The following MACF1 variants were observed in gnomAD, a reference collection of about 807,000 sequenced individuals.
The protein encoded by MACF1 is microtubule-actin cross-linking factor 1.
Under a neutral mutation model 854.8 loss-of-function variants are expected in MACF1, and 193 were observed. The observed-to-expected ratio is 0.23, with a 90% CI of 0.20 to 0.25. MACF1 has a LOEUF of 0.25. Among genes scored for constraint, MACF1 ranks in the 10% least tolerant of loss-of-function variants. The probability of loss-of-function intolerance (pLI) is 1.00; values close to 1 mark genes in which losing one functional copy is unlikely to be tolerated. For synonymous variants in MACF1, 3,185 were observed against 3,226.7 expected (o/e 0.99, Z 0.44); for missense variants, 7,722 against 8,929.1 (o/e 0.86, Z 5.45).
At chr1:39,434,885 T>A (rs979343867) in intron 69 of MACF1, among the ~76,000 whole-genome samples, 1 of 152,178 alleles carries the variant, frequency 6.6e-6, no homozygotes, top group African/African-American at 2.4e-5. Flanking sequence ...TCACTAAAAA[T>A]CAATGGAATT....
chr1:39,261,022 G>A (rs1255858817), intron 6 of MACF1, among the ~76,000 whole-genome samples: 1 of 152,020 alleles, frequency 6.6e-6, no homozygotes, highest in Non-Finnish European at 1.5e-5. Flanking sequence ...TCTCTCTATT[G>A]TTGTTAAGCC....
In MACF1 at chr1:39,352,384, C is replaced by T. The variant is rs1322080207; in HGVS notation, c.11200-623C>T. On this transcript the variant is annotated intron_variant, in intron 43 of 100. Transcript: ENST00000564288. ...GTCTTTCCTTTAGGAAAGAGCAGCC[C>T]GGTAACTGAATGTGACTGTGCTATT... Among the ~76,000 whole-genome samples, 7 of 152,218 alleles carry T rather than the reference C, an allele frequency of 4.6e-5. No homozygotes were observed. The East Asian group carries it at 7.7e-4, about 17-fold the overall frequency.
chr1:39,196,132 T>G lies in MACF1; in HGVS notation c.221-35050T>G, dbSNP rs573025723. 3.4e-4 allele frequency among the ~76,000 whole-genome samples: 52 copies of G among 152,248 alleles called. 1 individual carries two copies. Among genetic ancestry groups the G allele is most frequent in the African/African-American group, 1.2e-3 (50 of 41,544 alleles). ...ATCATCATTTTACAGATGAGGAAATTGAGGTTCCATGAAGTTAAGTAACTT... is the reference window on the plus strand; with the variant it reads ...ATCATCATTTTACAGATGAGGAAATGGAGGTTCCATGAAGTTAAGTAACTT... On this transcript the variant is annotated intron_variant, in intron 2 of 93. Coordinates refer to the MACF1 transcript ENST00000361689.
chr1:39,150,036 T>A (rs952426920), intron 2 of MACF1, among the ~76,000 whole-genome samples: 8 of 152,042 alleles, frequency 5.3e-5, no homozygotes, highest in African/African-American at 1.9e-4. Flanking sequence ...TGAACTTTTT[T>A]TTTTTTGGAG....
chr1:39,273,257 C>T (rs760767737), intron 6 of MACF1, among the ~76,000 whole-genome samples: 2 of 151,204 alleles, frequency 1.3e-5, no homozygotes, highest in Non-Finnish European at 2.9e-5. Context: ...CTGCCTCAGC[C>T]TCCCGAGTAA....
chr1:39,447,432 T>C lies in MACF1; in HGVS notation c.19606T>C (p.Ser6536Pro). 6.2e-7 allele frequency: 1 copy of C among 1,613,824 alleles called. No individual in the cohort carries two copies. The highest frequency in any genetic ancestry group is 8.5e-7 in the Non-Finnish European group (1 of 1,179,860). The part of the protein sequence containing the change: ...VVSSKMEERK[S>P]KLEEALNLAT... ...TGTGTGTGTTTTACTTGAAATTCAG[T>C]CAAAGCTGGAAGAGGCCCTCAACTT... The change falls in exon 81 of 101, where the codon TCA becomes CCA. Residue 6536 changes from serine (S) to proline (P), a missense_variant and splice_region_variant. By Grantham distance (74) the Ser-to-Pro change is moderately conservative. This residue lies in a region of MACF1 where 729 missense variants were observed against 900.5 expected (regional missense o/e 0.81). Coordinates refer to ENST00000564288, the MANE Select transcript of MACF1 (RefSeq NM_001394062.1).
intron 2 of MACF1, among the ~76,000 whole-genome samples, chr1:39,247,754 C>T (rs1454473685): frequency 1.3e-5 from 2 of 152,060 alleles, no homozygotes; most frequent in Non-Finnish European, 2.9e-5. Context: ...AAGTGTGGGC[C>T]GGGTGTGGTG....
chr1:39,223,597 C>T (rs1367447659), intron 1 of MACF1, among the ~76,000 whole-genome samples: 1 of 151,850 alleles, frequency 6.6e-6, no homozygotes, highest in East Asian at 1.9e-4. Flanking sequence ...TCACTGTGAC[C>T]TCCGCCTCCT....
At chr1:39,281,405 CAA>C (rs1239854523) in intron 6 of MACF1, among the ~76,000 whole-genome samples, 7 of 151,904 alleles carry the variant, frequency 4.6e-5, no homozygotes, top group Admixed American at 4.6e-4. Flanking sequence ...ACAAAATAAT[CAA>C]GATTACTATA....
chr1:39,219,115 T>G (rs1345574928), intron 1 of MACF1, among the ~76,000 whole-genome samples: 1 of 152,232 alleles, frequency 6.6e-6, no homozygotes, highest in African/African-American at 2.4e-5. Flanking sequence ...GCATTGAAGC[T>G]TCTACAGTTG....
intron 6 of MACF1, among the ~76,000 whole-genome samples, chr1:39,277,421 T>C (rs962411455): frequency 2.6e-5 from 4 of 152,228 alleles, no homozygotes; most frequent in African/African-American, 7.2e-5. Context: ...TGCTTAAATA[T>C]ACTGCTTAAT....
At chr1:39,211,900 G>T (rs991289060) in intron 1 of MACF1, among the ~76,000 whole-genome samples, 9 of 151,604 alleles carry the variant, frequency 5.9e-5, no homozygotes, top group Admixed American at 2.6e-4. Context: ...AAATGTGACA[G>T]AACCCAATAC....
chr1:39,351,734 A>T (rs887785123), intron 43 of MACF1, among the ~76,000 whole-genome samples: 31 of 151,588 alleles, frequency 2.0e-4, no homozygotes, highest in African/African-American at 7.5e-4. Flanking sequence ...CTACAGATGC[A>T]TGCCACCACA....
intron 2 of MACF1, among the ~76,000 whole-genome samples, chr1:39,094,642 T>C (rs1641893134): frequency 6.6e-6 from 1 of 150,694 alleles, no homozygotes; most frequent in Non-Finnish European, 1.5e-5. Flanking sequence ...TGCTTGAACC[T>C]GGGAGGCGGA....
intron 2 of MACF1, among the ~76,000 whole-genome samples, chr1:39,178,799 A>G (rs1644066502): frequency 6.6e-6 from 1 of 152,224 alleles, no homozygotes; most frequent in Non-Finnish European, 1.5e-5. Flanking sequence ...CAGATTGGAA[A>G]GCCAAGAGAT....
Position 39,303,043 on chromosome 1 carries a change from C to T in MACF1, c.2754C>T (p.Pro918=). 1.2e-6 allele frequency: 2 copies of T among 1,614,146 alleles called. No individual in the cohort carries two copies. Among genetic ancestry groups the T allele is most frequent in the Non-Finnish European group, 1.7e-6 (2 of 1,179,984 alleles). The part of the protein sequence containing the change: ...AMVPSVCFLI[P]PPNKDAIEMA... ...TGCCGTCAGTCTGCTTCCTCATCCC[C>T]CCACCCAATAAGGATGCCATTGAGA... Residue 918 remains proline, a synonymous_variant, in exon 23 of 101, where the codon CCC becomes CCT. Transcript: ENST00000564288.
At chr1:39,349,377 T>C in intron 41 of MACF1, 101 bp from the exon 42 acceptor site, 2 of 1,265,822 alleles carry the variant, frequency 1.6e-6, no homozygotes, top group Non-Finnish European at 2.2e-6. Flanking sequence ...AACTTTTCCA[T>C]CCTTGAGATA....
intron 48 of MACF1, 65 bp from the exon 49 acceptor site, chr1:39,361,295 A>C (rs909320770): frequency 6.8e-7 from 1 of 1,476,306 alleles, no homozygotes; most frequent in Non-Finnish European, 9.3e-7. Flanking sequence ...TATAGTTATT[A>C]GTTTGTGGCT....
chr1:39,442,968 C>G (rs1315875620), intron 78 of MACF1, 57 bp downstream of exon 78: 99 of 1,521,890 alleles, frequency 6.5e-5, no homozygotes, highest in Non-Finnish European at 6.6e-5. Context: ...GAAAGCCTAT[C>G]TAAGTCAGAG....
Sources: allele counts gnomAD v4.1 joint callset (sites outside exome capture counted in the v4.1 genomes callset), GRCh38; gene constraint gnomAD v4.1.1; regional missense constraint gnomAD v4.1.1; transcripts MANE v1.5; gene names NCBI Gene and HGNC (gene_info 2026-07-23, HGNC 2026-07-21).